The following TRMT2B variants were observed in gnomAD, a reference collection of about 807,000 sequenced individuals.
TRMT2B encodes the protein tRNA methyltransferase 2B, also known as tRNA (uracil-5-)-methyltransferase homolog B.
A neutral mutation model predicts 39.7 loss-of-function variants in TRMT2B; 34 were observed. That is an observed-to-expected ratio of 0.86 (90% confidence interval 0.65 to 1.14). The LOEUF (loss-of-function observed/expected upper bound fraction) is 1.14, where lower values mean the gene tolerates loss of function less well. TRMT2B is among the 50% of genes most tolerant of loss of function. The pLI is 0.00. For missense variants in TRMT2B, 318 were observed against 377.2 expected (o/e 0.84, Z 1.30); for synonymous variants, 132 against 137.3 (o/e 0.96, Z 0.27).
At chrX:101,039,087 G>A (rs1477569057) in intron 4 of TRMT2B, among the ~76,000 whole-genome samples, 1 of 107,219 alleles carries the variant, frequency 9.3e-6, no homozygotes, top group East Asian at 2.9e-4. Flanking sequence ...GTTTTTTTTT[G>A]AGACGGAGTC....
the TRMT2B span, among the ~76,000 whole-genome samples, chrX:100,996,170 CACAAAG>C: frequency 9.0e-6 from 1 of 110,646 alleles, no homozygotes; most frequent in African/African-American, 3.3e-5. Context: ...AAGCCAGGCA[CACAAAG>C]ACAAATATCG....
chrX:101,005,544 T>C (rs1250881194), downstream of TRMT2B, among the ~76,000 whole-genome samples: 1 of 107,665 alleles, frequency 9.3e-6, no homozygotes, highest in Non-Finnish European at 1.9e-5. Flanking sequence ...ACAATGTCGC[T>C]AAGTCAGTAC....
In TRMT2B at chrX:101,040,015, C is replaced by T. The variant is rs184964587; in HGVS notation, c.303+1302G>A. ...GTATCAGAAGAACTGCAGCTTGGGC[C>T]GGGTGCAGTGACTCACACCTGTAAT... On this transcript the variant is annotated intron_variant, in intron 4 of 13. Transcript: ENST00000372936. Among the ~76,000 whole-genome samples the T allele has an allele frequency of 1.6e-4, 18 of 110,826 alleles. No homozygotes were observed. The East Asian group carries it at 4.8e-3, about 30-fold the overall frequency.
At chrX:101,033,573 C>T (rs1040604234) in intron 7 of TRMT2B, among the ~76,000 whole-genome samples, 17 of 108,313 alleles carry the variant, frequency 1.6e-4, no homozygotes, top group East Asian at 2.9e-4. Flanking sequence ...ACAGCCCGGG[C>T]GACAGAGCGA....
chrX:100,994,050 C>G, the TRMT2B span, among the ~76,000 whole-genome samples: 1 of 112,031 alleles, frequency 8.9e-6, no homozygotes, highest in Non-Finnish European at 1.9e-5. Context: ...CTATAGTCCC[C>G]CTTCTGGGAT....
At chrX:100,992,970 T>C in the TRMT2B span, among the ~76,000 whole-genome samples, 1 of 111,979 alleles carries the variant, frequency 8.9e-6, no homozygotes, top group East Asian at 2.8e-4. Flanking sequence ...TACAGAAAGA[T>C]CCCTCTTACA....
At chrX:101,018,442 CT>C (rs1171655035) in intron 13 of TRMT2B, among the ~76,000 whole-genome samples, 136 of 100,252 alleles carry the variant, frequency 1.4e-3, no homozygotes, top group Middle Eastern at 4.8e-3. Flanking sequence ...ATTTTTAACA[CT>C]TTTTTTTTTT....
At chrX:101,012,189 C>G (rs771129271) in intron 13 of TRMT2B, among the ~76,000 whole-genome samples, 1 of 110,402 alleles carries the variant, frequency 9.1e-6, no homozygotes, top group South Asian at 3.9e-4. Context: ...TGTAAACAAA[C>G]CTACTGACAG....
chrX:100,982,637 ATC>A, the TRMT2B span, among the ~76,000 whole-genome samples: 39 of 91,322 alleles, frequency 4.3e-4, no homozygotes, highest in South Asian at 1.2e-3. Flanking sequence ...GGCCTATGGA[ATC>A]TACAGTTTTC....
At chrX:100,976,954 G>C in the TRMT2B span, among the ~76,000 whole-genome samples, 5 of 112,757 alleles carry the variant, frequency 4.4e-5, no homozygotes, top group Admixed American at 9.4e-5. Flanking sequence ...ATGCCCGTCT[G>C]TAAGTAAGAA....
At chrX:100,976,086 A>G in the TRMT2B span, among the ~76,000 whole-genome samples, 1 of 111,360 alleles carries the variant, frequency 9.0e-6, no homozygotes, top group African/African-American at 3.3e-5. Context: ...GAAATGTTTA[A>G]GAAGGTAAAT....
the TRMT2B span, among the ~76,000 whole-genome samples, chrX:100,988,006 C>T: frequency 3.2e-3 from 360 of 111,377 alleles, 2 homozygotes; most frequent in Non-Finnish European, 3.9e-3. Flanking sequence ...GTTGAAAAGA[C>T]GAAAAAGAAA....
chrX:101,019,726 C>T (rs1163486159), intron 11 of TRMT2B, among the ~76,000 whole-genome samples: 4 of 108,227 alleles, frequency 3.7e-5, no homozygotes, highest in Admixed American at 1.0e-4. Flanking sequence ...CTCCACCTCC[C>T]GGGTTCAAGC....
the TRMT2B span, among the ~76,000 whole-genome samples, chrX:101,003,506 G>A: frequency 2.7e-5 from 3 of 110,154 alleles, no homozygotes; most frequent in Admixed American, 9.7e-5. Context: ...GTGCCACCAC[G>A]CCCAGCTAAT....
chrX:101,020,419 C>T, intron 11 of TRMT2B, 68 bp downstream of exon 11: 2 of 966,979 alleles, frequency 2.1e-6, no homozygotes, highest in African/African-American at 3.8e-5. Flanking sequence ...CCTTTTCCCA[C>T]ACAACTCTTT....
intron 11 of TRMT2B, among the ~76,000 whole-genome samples, chrX:101,019,733 A>G (rs1450053803): frequency 9.2e-6 from 1 of 108,113 alleles, no homozygotes; most frequent in African/African-American, 3.4e-5. Context: ...TCCCGGGTTC[A>G]AGCAATTCTC....
At chrX:100,978,343 C>G in the TRMT2B span, among the ~76,000 whole-genome samples, 15 of 111,594 alleles carry the variant, frequency 1.3e-4, no homozygotes, top group African/African-American at 4.9e-4. Flanking sequence ...GTCTATCTCT[C>G]TCTCTTTAGC....
At chrX:101,002,193 A>T in the TRMT2B span, among the ~76,000 whole-genome samples, 1 of 111,531 alleles carries the variant, frequency 9.0e-6, no homozygotes, top group Non-Finnish European at 1.9e-5. Context: ...CCAGGAGCTC[A>T]GATGTTCCCC....
At chrX:101,010,837 A>C (rs1179384061) in intron 13 of TRMT2B, 130 bp from the exon 14 acceptor site, 2 of 565,332 alleles carry the variant, frequency 3.5e-6, no homozygotes, top group Non-Finnish European at 5.4e-6. Flanking sequence ...TACAGCATTT[A>C]TCTTATTTAA....
Sources: allele counts gnomAD v4.1 joint callset (sites outside exome capture counted in the v4.1 genomes callset), GRCh38; gene constraint gnomAD v4.1.1; transcripts MANE v1.5; gene names NCBI Gene and HGNC (gene_info 2026-07-23, HGNC 2026-07-21).